TRHDE: variants seen among roughly 807,000 people sequenced by gnomAD.
TRHDE encodes the protein thyrotropin releasing hormone degrading enzyme.
In TRHDE, 72 loss-of-function variants were observed where a neutral mutation model predicts 125.7. The observed-to-expected ratio is 0.57, with a 90% CI of 0.47 to 0.70. TRHDE has a LOEUF of 0.70. Ranked by LOEUF, TRHDE falls within the 30% of genes least tolerant of loss-of-function variation. The pLI, the probability that TRHDE is intolerant of heterozygous loss-of-function variation, is 0.00. For synonymous variants in TRHDE, 509 were observed against 509.1 expected, an observed-to-expected ratio of 1.00 and a Z score of 0.00; for missense variants, 1,110 against 1,327.1, an observed-to-expected ratio of 0.84 and a Z score of 2.54.
At chr12:72,188,059 A>G (rs1236915944) in intron 2 of TRHDE, among the ~76,000 whole-genome samples, 1 of 152,264 alleles carries the variant, frequency 6.6e-6, no homozygotes, top group Non-Finnish European at 1.5e-5. Flanking sequence ...TGTTTGATAA[A>G]CTTAATTAAC....
chr12:72,519,384 T>G (rs1472455711), intron 6 of TRHDE, among the ~76,000 whole-genome samples: 2 of 152,174 alleles, frequency 1.3e-5, no homozygotes, highest in African/African-American at 4.8e-5. Flanking sequence ...TCTCACTTCG[T>G]TTCATTCATT....
Position 72,421,457 on chromosome 12 carries a change from G to A in TRHDE, c.1315+43336G>A, listed in dbSNP as rs568544227. Among the ~76,000 whole-genome samples the A allele has an allele frequency of 2.6e-5, 4 of 152,302 alleles. No individual in the cohort carries two copies. In the East Asian group the frequency reaches 5.8e-4, roughly 22 times the overall value. On this transcript the variant is annotated intron_variant, in intron 3 of 18. Coordinates refer to ENST00000261180, the MANE Select transcript of TRHDE (RefSeq NM_013381.3). ...TTACAGCATGGCAACTAGTTCTATA[G>A]GTAATGGCCAGAGAAGAAGCACAGA... is the stretch of plus-strand genomic sequence containing the variant.
At chr12:72,582,278 T>G (rs1254241833) in intron 12 of TRHDE, 2 of 984,554 alleles carry the variant, frequency 2.0e-6, no homozygotes, top group Non-Finnish European at 2.4e-6. Flanking sequence ...TAATAGCCAC[T>G]GAAAATATAA....
chr12:72,359,440 A>T (rs914468885), intron 2 of TRHDE, among the ~76,000 whole-genome samples: 2 of 151,700 alleles, frequency 1.3e-5, no homozygotes, highest in African/African-American at 4.8e-5. Flanking sequence ...CAGAAAAACT[A>T]TTTGAATTAA....
intron 2 of TRHDE, among the ~76,000 whole-genome samples, chr12:72,177,646 A>C (rs1200534620): frequency 6.6e-6 from 1 of 152,160 alleles, no homozygotes; most frequent in Non-Finnish European, 1.5e-5. Flanking sequence ...ATGTTGCAGT[A>C]AGGTGTGGGC....
At chr12:72,090,302 A>T (rs1464287434) in intron 1 of TRHDE, among the ~76,000 whole-genome samples, 2 of 152,140 alleles carry the variant, frequency 1.3e-5, no homozygotes, top group African/African-American at 4.8e-5. Flanking sequence ...AATTATGTTG[A>T]TTAAGTTTTA....
At chr12:72,419,669 C>T (rs1391214118) in intron 3 of TRHDE, among the ~76,000 whole-genome samples, 1 of 152,154 alleles carries the variant, frequency 6.6e-6, no homozygotes, top group Non-Finnish European at 1.5e-5. Context: ...CACCAGACCC[C>T]ACATCCAACA....
At chr12:72,551,918 A>G (rs180874392) in intron 7 of TRHDE, among the ~76,000 whole-genome samples, 2 of 152,214 alleles carry the variant, frequency 1.3e-5, no homozygotes, top group East Asian at 3.9e-4. Flanking sequence ...GTCTGAAGGA[A>G]GAAAGACGGG....
intron 2 of TRHDE, among the ~76,000 whole-genome samples, chr12:72,365,984 C>T (rs1226980980): frequency 6.6e-6 from 1 of 152,216 alleles, no homozygotes. Context: ...CTCCTTTCTC[C>T]ATCTTTGCAT....
At chr12:72,136,410 T>C (rs1340665661) in intron 2 of TRHDE, among the ~76,000 whole-genome samples, 2 of 152,240 alleles carry the variant, frequency 1.3e-5, no homozygotes, top group Non-Finnish European at 2.9e-5. Flanking sequence ...ATTGAAATGA[T>C]ATGAAGCAGA....
intron 6 of TRHDE, among the ~76,000 whole-genome samples, chr12:72,521,415 C>A (rs1879188595): frequency 6.6e-6 from 1 of 152,266 alleles, no homozygotes; most frequent in East Asian, 1.9e-4. Context: ...AGCTCAGAGA[C>A]CCTGAGTGGA....
chr12:72,307,289 C>G (rs913522045), intron 2 of TRHDE, among the ~76,000 whole-genome samples: 1 of 151,712 alleles, frequency 6.6e-6, no homozygotes, highest in Non-Finnish European at 1.5e-5. Context: ...CTCAGCCTCC[C>G]GAGTAGCCAG....
At chr12:72,269,038 A>G (rs1344920529), upstream of TRHDE, among the ~76,000 whole-genome samples, 2 of 152,114 alleles carry the variant, frequency 1.3e-5, no homozygotes, top group Non-Finnish European at 2.9e-5. Flanking sequence ...AGTGACCTAT[A>G]ACACTGAAAG....
intron 3 of TRHDE, among the ~76,000 whole-genome samples, chr12:72,384,781 C>T (rs947673294): frequency 1.3e-5 from 2 of 151,942 alleles, no homozygotes; most frequent in African/African-American, 2.4e-5. Context: ...ATACAATAAA[C>T]ATATATATTT....
intron 10 of TRHDE, among the ~76,000 whole-genome samples, chr12:72,570,757 G>A (rs1001573397): frequency 1.3e-5 from 2 of 152,090 alleles, no homozygotes; most frequent in African/African-American, 4.8e-5. Flanking sequence ...TGATATGTGT[G>A]GTCCTAATAT....
chr12:72,556,007 C>T (rs999236), intron 7 of TRHDE, among the ~76,000 whole-genome samples: 22,389 of 152,084 alleles, frequency 0.15, 2,337 homozygotes, highest in Non-Finnish European at 0.22. Flanking sequence ...GTCTATAGAA[C>T]CTTCTGCACT....
intron 2 of TRHDE, among the ~76,000 whole-genome samples, chr12:72,310,587 C>T (rs980897744): frequency 6.6e-6 from 1 of 151,934 alleles, no homozygotes; most frequent in African/African-American, 2.4e-5. Flanking sequence ...AAATGTAGAG[C>T]TGCACTAGGA....
intron 2 of TRHDE, among the ~76,000 whole-genome samples, chr12:72,228,865 C>T (rs1878189989): frequency 6.6e-6 from 1 of 152,220 alleles, no homozygotes; most frequent in Non-Finnish European, 1.5e-5. Context: ...AGTCTCTTTG[C>T]TAAGGCATCA....
chr12:72,595,125 AG>A (rs1283336562), intron 12 of TRHDE, among the ~76,000 whole-genome samples: 1 of 61,354 alleles, frequency 1.6e-5, no homozygotes, highest in African/African-American at 6.6e-5. Context: ...GGGTGGGGGG[AG>A]GGGGGAGGGA....
Sources: gnomAD v4.1 joint callset for allele counts (sites outside exome capture counted in the v4.1 genomes callset) on GRCh38, gnomAD v4.1.1 for gene constraint, MANE v1.5 for transcripts, NCBI Gene and HGNC (gene_info 2026-07-23, HGNC 2026-07-21) for gene names.